Variants in KAZN observed in about 807,000 individuals in gnomAD.
The protein encoded by KAZN is kazrin.
KAZN carries 40 observed loss-of-function variants against 87.4 expected under a neutral mutation model. The ratio of observed to expected loss-of-function variants is 0.46; its 90% CI spans 0.36 to 0.60. The LOEUF is 0.60. Among genes scored for constraint, KAZN ranks in the 20% least tolerant of loss-of-function variants. The pLI is 0.00. For missense variants in KAZN, 898 were observed against 1,073.9 expected (o/e 0.84, Z 2.29); for synonymous variants, 466 against 458.3 (o/e 1.02, Z -0.22).
chr1:14,107,112 C>A (rs1644394578), intron 1 of KAZN, among the ~76,000 whole-genome samples: 1 of 148,298 alleles, frequency 6.7e-6, no homozygotes, highest in African/African-American at 2.5e-5. Context: ...ATTCTCAATA[C>A]CTATTCAGGG....
At chr1:15,044,247 A>T in intron 4 of KAZN, 88 bp downstream of exon 4, 1 of 474,618 alleles carries the variant, frequency 2.1e-6, no homozygotes, top group Non-Finnish European at 3.2e-6. Flanking sequence ...CTCACATCGG[A>T]GACCTAGGGT....
At chr1:15,073,406 C>G (rs1048961322) in intron 8 of KAZN, among the ~76,000 whole-genome samples, 4 of 152,152 alleles carry the variant, frequency 2.6e-5, no homozygotes, top group Non-Finnish European at 5.9e-5. Flanking sequence ...CAGCGTAGTG[C>G]CCGTGGGTTG....
intron 2 of KAZN, among the ~76,000 whole-genome samples, chr1:14,337,102 G>T (rs1657325308): frequency 6.6e-6 from 1 of 152,238 alleles, no homozygotes; most frequent in Non-Finnish European, 1.5e-5. Context: ...TTCACTGGTT[G>T]TTAGACAATT....
chr1:14,602,570 G>C (rs913585557), intron 1 of KAZN, among the ~76,000 whole-genome samples: 1 of 152,164 alleles, frequency 6.6e-6, no homozygotes, highest in African/African-American at 2.4e-5. Flanking sequence ...TTTCTAAGCT[G>C]TTTTCCTCAG....
At chr1:14,558,476 T>C (rs1674052010) in intron 2 of KAZN, among the ~76,000 whole-genome samples, 1 of 152,196 alleles carries the variant, frequency 6.6e-6, no homozygotes, top group East Asian at 1.9e-4. Context: ...AGCCAGCCAT[T>C]GTGATAAATA....
intron 1 of KAZN, among the ~76,000 whole-genome samples, chr1:14,751,968 C>T (rs1644424724): frequency 6.6e-6 from 1 of 152,152 alleles, no homozygotes; most frequent in African/African-American, 2.4e-5. Flanking sequence ...CACCCTTCTG[C>T]GTAATGTACA....
At chr1:14,423,340 G>T (rs2101331128) in intron 2 of KAZN, among the ~76,000 whole-genome samples, 1 of 152,272 alleles carries the variant, frequency 6.6e-6, no homozygotes, top group Non-Finnish European at 1.5e-5. Context: ...TTTTCAGGGG[G>T]TCATCACGAG....
intron 2 of KAZN, among the ~76,000 whole-genome samples, chr1:14,464,825 A>G (rs1668030008): frequency 6.6e-6 from 1 of 151,900 alleles, no homozygotes; most frequent in African/African-American, 2.4e-5. Flanking sequence ...ACAGGCCACC[A>G]TACTCAGCCT....
chr1:14,363,757 G>C (rs72869025), intron 2 of KAZN, among the ~76,000 whole-genome samples: 1 of 152,122 alleles, frequency 6.6e-6, no homozygotes, highest in South Asian at 2.1e-4. Flanking sequence ...TATGTGTCCT[G>C]CAAAGCCAAA....
intron 1 of KAZN, among the ~76,000 whole-genome samples, chr1:14,708,436 G>C (rs1188056050): frequency 1.3e-5 from 2 of 152,130 alleles, no homozygotes; most frequent in African/African-American, 2.4e-5. Flanking sequence ...TTTCACCAAA[G>C]CACAAAAAAA....
intron 1 of KAZN, among the ~76,000 whole-genome samples, chr1:14,927,171 G>A (rs933712625): frequency 2.0e-5 from 3 of 152,342 alleles, no homozygotes; most frequent in South Asian, 4.1e-4. Flanking sequence ...CCTTCTGAAG[G>A]ACGGATCATT....
At chr1:15,050,411 C>T (rs1304200926) in intron 4 of KAZN, among the ~76,000 whole-genome samples, 2 of 152,144 alleles carry the variant, frequency 1.3e-5, no homozygotes, top group Non-Finnish European at 2.9e-5. Context: ...TTTGACCTCG[C>T]ACATGTCACC....
At chr1:14,474,128 C>A (rs1347628760) in intron 2 of KAZN, among the ~76,000 whole-genome samples, 4 of 152,080 alleles carry the variant, frequency 2.6e-5, no homozygotes, top group African/African-American at 7.2e-5. Context: ...GATAAGAGAA[C>A]CTCCTAGAAG....
intron 2 of KAZN, among the ~76,000 whole-genome samples, chr1:14,456,311 C>T (rs1288960040): frequency 6.6e-6 from 1 of 152,148 alleles, no homozygotes; most frequent in African/African-American, 2.4e-5. Context: ...TTTCTGATAG[C>T]CTGGAGATTC....
At chr1:14,122,927 A>C (rs562595382) in intron 1 of KAZN, among the ~76,000 whole-genome samples, 1 of 152,142 alleles carries the variant, frequency 6.6e-6, no homozygotes, top group Non-Finnish European at 1.5e-5. Flanking sequence ...CTGCTCTGTG[A>C]CATACTTGTT....
intron 1 of KAZN, among the ~76,000 whole-genome samples, chr1:14,666,206 G>C (rs190185835): frequency 6.6e-6 from 1 of 151,944 alleles, no homozygotes; most frequent in Non-Finnish European, 1.5e-5. Flanking sequence ...AGAAGATCTC[G>C]TGTGTGGTTA....
Position 15,065,766 on chromosome 1 carries a change from A to G in KAZN, c.1222+13A>G. ...GGCCTCTTTGATGGTACCGCCCCTG[A>G]TTATTACATAGAGGAGGACGCGGAC... On this transcript the variant is annotated intron_variant, in intron 8 of 14. Coordinates refer to ENST00000376030, the MANE Select transcript of KAZN (RefSeq NM_201628.3). 1 of 1,614,016 alleles carries G rather than the reference A, an allele frequency of 6.2e-7. No homozygotes were observed. Among genetic ancestry groups the G allele is most frequent in the South Asian group, 1.1e-5 (1 of 91,072 alleles).
intron 2 of KAZN, among the ~76,000 whole-genome samples, chr1:14,381,225 T>A (rs1025905641): frequency 6.6e-6 from 1 of 152,174 alleles, no homozygotes; most frequent in African/African-American, 2.4e-5. Flanking sequence ...TACATATATG[T>A]GCACCCAACA....
intron 2 of KAZN, among the ~76,000 whole-genome samples, chr1:14,481,199 C>T (rs886225160): frequency 3.3e-5 from 5 of 152,080 alleles, no homozygotes; most frequent in African/African-American, 1.2e-4. Context: ...GTTGCATCTT[C>T]TTGGGCAATT....
Sources: allele counts gnomAD v4.1 joint callset (sites outside exome capture counted in the v4.1 genomes callset), GRCh38; gene constraint gnomAD v4.1.1; transcripts MANE v1.5; gene names NCBI Gene and HGNC (gene_info 2026-07-23, HGNC 2026-07-21).